The following ARHGEF6 variants were observed in gnomAD, a reference collection of about 807,000 sequenced individuals.
ARHGEF6 encodes Rac/Cdc42 guanine nucleotide exchange factor 6.
A neutral mutation model predicts 70.3 loss-of-function variants in ARHGEF6; 9 were observed. The observed-to-expected ratio is 0.13, with a 90% confidence interval of 0.08 to 0.22. ARHGEF6 has a LOEUF of 0.22. ARHGEF6 is among the 10% of genes least tolerant of loss of function. The pLI, the probability that ARHGEF6 is intolerant of heterozygous loss-of-function variation, is 1.00. For synonymous variants in ARHGEF6, 201 were observed against 207.8 expected (o/e 0.97, Z 0.28); for missense variants, 470 against 563.0 (o/e 0.83, Z 1.67).
At chrX:136,765,489 T>C (rs1005393448) in intron 2 of ARHGEF6, among the ~76,000 whole-genome samples, 6 of 111,816 alleles carry the variant, frequency 5.4e-5, no homozygotes, top group African/African-American at 2.0e-4. Flanking sequence ...TGTAGGTAAA[T>C]AGAAACCACA....
At chrX:136,751,126 C>T (rs1052330593) in intron 2 of ARHGEF6, among the ~76,000 whole-genome samples, 1 of 111,626 alleles carries the variant, frequency 9.0e-6, no homozygotes, top group East Asian at 2.8e-4. Flanking sequence ...CGTGAGCCAC[C>T]GCGCCCAGCC....
At chrX:136,763,779 C>T (rs765052012) in intron 2 of ARHGEF6, among the ~76,000 whole-genome samples, 5 of 111,364 alleles carry the variant, frequency 4.5e-5, no homozygotes, top group Admixed American at 2.9e-4. Context: ...GAGCAGAGAT[C>T]GCACCACTGC....
chrX:136,754,497 A>G (rs895452546), intron 2 of ARHGEF6, among the ~76,000 whole-genome samples: 1 of 102,545 alleles, frequency 9.8e-6, no homozygotes, highest in African/African-American at 3.6e-5. Context: ...AGGTAGAAGA[A>G]TGGCTTGAAT....
At chrX:136,755,685 T>C (rs1027623755) in intron 2 of ARHGEF6, among the ~76,000 whole-genome samples, 1 of 112,150 alleles carries the variant, frequency 8.9e-6, no homozygotes, top group East Asian at 2.8e-4. Context: ...CCTACCTTCA[T>C]GTTTCTTTTT....
chrX:136,756,412 G>C (rs2077207926), intron 2 of ARHGEF6, among the ~76,000 whole-genome samples: 1 of 111,883 alleles, frequency 8.9e-6, no homozygotes, highest in Non-Finnish European at 1.9e-5. Context: ...TTATCATAGA[G>C]AAGAGAAGTT....
chrX:136,724,141 A>G (rs1303681596), intron 6 of ARHGEF6, among the ~76,000 whole-genome samples: 1 of 105,463 alleles, frequency 9.5e-6, no homozygotes, highest in Non-Finnish European at 1.9e-5. Flanking sequence ...GTGCAGTGGC[A>G]CAATCTCGGC....
chrX:136,710,631 C>G (rs957638477), intron 7 of ARHGEF6, among the ~76,000 whole-genome samples: 29 of 109,708 alleles, frequency 2.6e-4, no homozygotes, highest in African/African-American at 9.3e-4. Context: ...CCTTCACGAT[C>G]AGATAATAGT....
In ARHGEF6 at chrX:136,667,750, ACT is replaced by A; in HGVS notation, c.*277_*278del. The A allele has an allele frequency of 2.6e-6, 1 of 383,752 alleles. No homozygotes were observed. Among genetic ancestry groups the A allele is most frequent in the Non-Finnish European group, 4.6e-6 (1 of 218,244 alleles). 31.6% of individuals were successfully genotyped at this position (383,752 alleles called of 1,213,427 possible). ...TTCTCTTTCTTACTGAATGGAAAAG[ACT>A]CTGAGGCCATCTCTACCACCACTTC... On this transcript the variant is annotated 3_prime_UTR_variant, in exon 22 of 22. Transcript: ENST00000250617.
chrX:136,743,832 G>A, intron 4 of ARHGEF6, 46 bp from the exon 5 acceptor site: 1 of 1,127,845 alleles, frequency 8.9e-7, no homozygotes. Flanking sequence ...ATCTAAATAA[G>A]GCAGGGGTAG....
At chrX:136,724,175 G>A in intron 6 of ARHGEF6, among the ~76,000 whole-genome samples, 1 of 108,502 alleles carries the variant, frequency 9.2e-6, no homozygotes, top group Non-Finnish European at 1.9e-5. Context: ...TGCCTCCTGG[G>A]TTCCAGTGAT....
intron 2 of ARHGEF6, among the ~76,000 whole-genome samples, chrX:136,766,163 G>A (rs2077311627): frequency 8.9e-6 from 1 of 112,257 alleles, no homozygotes; most frequent in Non-Finnish European, 1.9e-5. Context: ...GGAGAGAGGT[G>A]CTCTCAGTCA....
intron 6 of ARHGEF6, among the ~76,000 whole-genome samples, chrX:136,726,532 G>A (rs773366997): frequency 1.6e-4 from 18 of 112,049 alleles, no homozygotes; most frequent in Admixed American, 1.6e-3. Flanking sequence ...GGCAGAGAGA[G>A]GTAGATAGAT....
rs1365319463 is a variant in ARHGEF6 at position 136,767,574 on chromosome X, G to A, written c.249+11840C>T. 4.0e-6 allele frequency: 3 copies of A among 753,341 alleles called. No individual in the cohort carries two copies. The African/African-American group carries it at 6.9e-5, about 17-fold the overall frequency. 62.1% of individuals were successfully genotyped at this position (753,341 alleles called of 1,213,427 possible). On this transcript the variant is annotated intron_variant, in intron 2 of 21. Transcript: ENST00000250617. ...ATCGCGGGGCCGAACTGGGGGTGCC[G>A]GAGGCGCGCCCCGCTGGGTGCGCTG...
At chrX:136,703,135 T>G (rs1215423151) in intron 9 of ARHGEF6, among the ~76,000 whole-genome samples, 1 of 111,419 alleles carries the variant, frequency 9.0e-6, no homozygotes, top group Non-Finnish European at 1.9e-5. Flanking sequence ...TCTAAGAAAA[T>G]AAATAGGCAT....
At chrX:136,694,903 T>G (rs1323840208) in intron 9 of ARHGEF6, among the ~76,000 whole-genome samples, 3 of 111,836 alleles carry the variant, frequency 2.7e-5, no homozygotes, top group African/African-American at 9.8e-5. Context: ...CACGACTGCA[T>G]TTTTAACAAG....
At chrX:136,705,178 G>C (rs750546070) in intron 9 of ARHGEF6, among the ~76,000 whole-genome samples, 5 of 110,004 alleles carry the variant, frequency 4.5e-5, no homozygotes, top group Non-Finnish European at 9.5e-5. Flanking sequence ...GGTCGTGGTG[G>C]TGCGTGCCTG....
At chrX:136,696,299 T>TA (rs1007957199) in intron 9 of ARHGEF6, among the ~76,000 whole-genome samples, 10 of 110,947 alleles carry the variant, frequency 9.0e-5, no homozygotes, top group South Asian at 3.8e-4. Flanking sequence ...ACTACTCAGT[T>TA]AAAAAAAAGC....
rs199878133 is a variant in ARHGEF6 at position 136,680,846 on chromosome X, C to A, written c.1589G>T (p.Cys530Phe). The A allele has an allele frequency of 2.5e-6, 3 of 1,210,149 alleles. No homozygotes were observed. The highest frequency in any genetic ancestry group is 3.4e-6 in the Non-Finnish European group (3 of 895,178). The change falls in exon 15 of 22, where the codon TGT becomes TTT. Residue 530 changes from cysteine (C) to phenylalanine (F), a missense_variant. Physicochemically the swap from Cys to Phe is radical, Grantham distance 205. This residue lies in a region of ARHGEF6 where 379 missense variants were observed against 449.3 expected (regional missense o/e 0.84). Coordinates refer to ENST00000250617, the MANE Select transcript of ARHGEF6 (RefSeq NM_004840.3). ...GNTVERIVVH[C>F]NNNQDFQEWL... ...TTCCTGGAAGTCCTGGTTGTTGTTA[C>A]AATGGACCACAATTCTCTCCACTGT... is the stretch of plus-strand genomic sequence containing the variant.
At chrX:136,758,028 A>ATTTTTTT (rs1569421949) in intron 2 of ARHGEF6, among the ~76,000 whole-genome samples, 1 of 29,758 alleles carries the variant, frequency 3.4e-5, no homozygotes, top group Non-Finnish European at 6.2e-5. Context: ...CTAAAAATAA[A>ATTTTTTT]TTCTTTTTTT....
Sources: allele counts gnomAD v4.1 joint callset (sites outside exome capture counted in the v4.1 genomes callset), GRCh38; gene constraint gnomAD v4.1.1; regional missense constraint gnomAD v4.1.1; transcripts MANE v1.5; gene names NCBI Gene and HGNC (gene_info 2026-07-23, HGNC 2026-07-21).